The following DBN1 variants were observed in gnomAD, a reference collection of about 807,000 sequenced individuals.
DBN1 encodes the protein drebrin 1.
A neutral mutation model predicts 83.5 loss-of-function variants in DBN1; 21 were observed. The ratio of observed to expected loss-of-function variants is 0.25; its 90% confidence interval spans 0.18 to 0.36. DBN1 has a LOEUF of 0.36. Among genes scored for constraint, DBN1 ranks in the 10% least tolerant of loss-of-function variants. The pLI, the probability that DBN1 is intolerant of heterozygous loss-of-function variation, is 1.00. For missense variants in DBN1, 874 were observed against 935.7 expected, an observed-to-expected ratio of 0.93 and a Z score of 0.86; for synonymous variants, 381 against 384.9, an observed-to-expected ratio of 0.99 and a Z score of 0.12.
In DBN1 at chr5:177,467,721, A is replaced by G; in HGVS notation, c.330+22T>C. 7 of 1,552,400 alleles carry G rather than the reference A, an allele frequency of 4.5e-6. No individual in the cohort carries two copies. Among genetic ancestry groups the G allele is most frequent in the Non-Finnish European group, 6.1e-6 (7 of 1,147,814 alleles). On this transcript the variant is annotated intron_variant, in intron 4 of 14. Transcript: ENST00000393565. The surrounding 1 kb of genome is among the most constrained non-coding windows in gnomAD (Gnocchi z 9.1). ...CCTGGTGGCTGTCCCCACCCCCAAG[A>G]GCGCTGGCCCCTGACACGCACCTGG...
At chr5:177,461,481 C>G (rs890213000) in intron 8 of DBN1, among the ~76,000 whole-genome samples, 1 of 152,168 alleles carries the variant, frequency 6.6e-6, no homozygotes, top group African/African-American at 2.4e-5. Context: ...CCCCGTCAAA[C>G]CCTGTCACAC....
intron 1 of DBN1, chr5:177,472,972 G>A (rs867826428): frequency 4.9e-5 from 20 of 404,696 alleles, no homozygotes; most frequent in Middle Eastern, 1.2e-3. Flanking sequence ...TTGTGCTGTG[G>A]CCGGGCCGGG....
intron 8 of DBN1, among the ~76,000 whole-genome samples, chr5:177,465,553 T>C (rs1255947568): frequency 6.6e-6 from 1 of 152,198 alleles, no homozygotes; most frequent in African/African-American, 2.4e-5. Context: ...TTTATGTATT[T>C]TGCCACAGTT....
Position 177,458,216 on chromosome 5 carries a change from G to C in DBN1, c.1756C>G (p.Pro586Ala). Residue 586 changes from proline (P) to alanine (A), a missense_variant, in exon 13 of 15, where the codon CCA (proline) becomes GCA (alanine). By Grantham distance (27) the Pro-to-Ala change is conservative. Transcript: ENST00000393565. ...LLNFDELPEPPATFCDPEEVE... is the reference protein window; with the variant it reads ...LLNFDELPEPAATFCDPEEVE... ...TCCTCTGGGTCACAGAAGGTGGCTG[G>C]CGGCTCAGGCAGCTCATCAAAGTTG... 1 of 1,613,250 alleles carries C rather than the reference G, an allele frequency of 6.2e-7. No individual in the cohort carries two copies. The highest frequency in any genetic ancestry group is 8.5e-7 in the Non-Finnish European group (1 of 1,179,964).
At chr5:177,464,319 G>A (rs1164931484) in intron 8 of DBN1, among the ~76,000 whole-genome samples, 3 of 142,252 alleles carry the variant, frequency 2.1e-5, no homozygotes, top group Non-Finnish European at 4.6e-5. Flanking sequence ...GGTGGTGCAC[G>A]CCTGTAATCC....
At chr5:177,468,691 G>T in intron 2 of DBN1, 153 bp downstream of exon 2, 1 of 475,184 alleles carries the variant, frequency 2.1e-6, no homozygotes. Flanking sequence ...TGGGGACACA[G>T]GGATGACTGG....
chr5:177,460,602 T>A (rs754980482), intron 9 of DBN1, 42 bp downstream of exon 9: 1 of 1,614,144 alleles, frequency 6.2e-7, no homozygotes, highest in Non-Finnish European at 8.5e-7. Context: ...CAAGCTGAGA[T>A]AGCCCTGTCT....
At position 177,460,693 on chromosome 5, in the gene DBN1, C is replaced by A; in HGVS notation, c.782G>T (p.Arg261Leu). The A allele has an allele frequency of 6.2e-7, 1 of 1,613,922 alleles. No individual in the cohort carries two copies. Among genetic ancestry groups the A allele is most frequent in the Non-Finnish European group, 8.5e-7 (1 of 1,179,952 alleles). The change falls in exon 9 of 15, where the codon CGG (arginine) becomes CTG (leucine). Residue 261 changes from arginine to leucine, a missense_variant. By Grantham distance (102) the Arg-to-Leu change is moderately radical (BLOSUM62 -2). Transcript: ENST00000393565. Reference sequence around the variant, plus strand: ...CATGTGGGTCTCTTCCTCCTCATCCCGATGGTCACCCTAGAAACCAAAGGG... The same window carrying A: ...CATGTGGGTCTCTTCCTCCTCATCCAGATGGTCACCCTAGAAACCAAAGGG... ...LKEQSIFGDH[R>L]DEEEETHMKK...
intron 8 of DBN1, among the ~76,000 whole-genome samples, chr5:177,464,425 G>A (rs1053695976): frequency 3.3e-5 from 5 of 150,910 alleles, no homozygotes; most frequent in African/African-American, 4.9e-5. Context: ...CAGCCTGGGC[G>A]ACAGAGCAAG....
chr5:177,473,553 C>G lies in DBN1; in HGVS notation c.-32G>C, dbSNP rs377628829. 23 of 1,298,788 alleles carry G rather than the reference C, an allele frequency of 1.8e-5. No individual in the cohort carries two copies. Among genetic ancestry groups the G allele is most frequent in the Non-Finnish European group, 2.3e-5 (23 of 1,007,812 alleles). 80.5% of individuals were successfully genotyped at this position (1,298,788 alleles called of 1,614,324 possible). Reference sequence around the variant, plus strand: ...GGCCGGACCGGGCCGAACGGACAGACGCGCGGACGGACGGGCGGACGGAGG... The same window carrying G: ...GGCCGGACCGGGCCGAACGGACAGAGGCGCGGACGGACGGGCGGACGGAGG... On this transcript the variant is annotated 5_prime_UTR_variant, in exon 1 of 15. Transcript: ENST00000393565.
rs1757477497 is a variant in DBN1 at position 177,466,874 on chromosome 5, C to CG, written c.707+36dup. 1.2e-6 allele frequency: 2 copies of CG among 1,613,816 alleles called. No individual in the cohort carries two copies. Among genetic ancestry groups the CG allele is most frequent in the Non-Finnish European group, 8.5e-7 (1 of 1,179,868 alleles). On this transcript the variant is annotated intron_variant, in intron 7 of 14. Coordinates refer to ENST00000393565, the MANE Select transcript of DBN1 (RefSeq NM_001363541.2). The surrounding 1 kb of genome is among the most constrained non-coding windows in gnomAD (Gnocchi z 4.8). ...CAGCCAGCACCCGTCAGGGTGCGCC[C>CG]GGGGGCCCCTGGAGCGCTCCGGGCG...
intron 8 of DBN1, among the ~76,000 whole-genome samples, chr5:177,463,427 T>C (rs1482703703): frequency 6.6e-6 from 1 of 152,134 alleles, no homozygotes; most frequent in Non-Finnish European, 1.5e-5. Flanking sequence ...ACTAACCACA[T>C]GGGTCAAAGC....
At chr5:177,471,467 T>C (rs1184670923) in intron 1 of DBN1, among the ~76,000 whole-genome samples, 5 of 151,874 alleles carry the variant, frequency 3.3e-5, no homozygotes, top group South Asian at 2.1e-4. Context: ...CCCCTCCCCA[T>C]TGGAGGCAAG....
At chr5:177,471,315 GAT>G (rs1274647601) in intron 1 of DBN1, among the ~76,000 whole-genome samples, 2 of 152,102 alleles carry the variant, frequency 1.3e-5, no homozygotes, top group African/African-American at 4.8e-5. Flanking sequence ...ACTTGTGTAT[GAT>G]CACAGTGAGT....
intron 1 of DBN1, chr5:177,472,399 TAGA>T (rs1171697586): frequency 4.8e-6 from 7 of 1,444,382 alleles, no homozygotes; most frequent in South Asian, 4.4e-5. Context: ...GCACCTTCCC[TAGA>T]AGAAGAGTAT....
At chr5:177,471,420 AG>A in intron 1 of DBN1, among the ~76,000 whole-genome samples, 1 of 152,188 alleles carries the variant, frequency 6.6e-6, no homozygotes, top group South Asian at 2.1e-4. Flanking sequence ...GGTGCACTTC[AG>A]AGGCCCTGCC....
Position 177,456,621 on chromosome 5 carries a change from ATTTC to A in DBN1, c.*808_*811del, listed in dbSNP as rs1054296494. 1 of 121,916 alleles carries A rather than the reference ATTTC, an allele frequency of 8.2e-6. No homozygotes were observed. The highest frequency in any genetic ancestry group is 3.2e-5 in the African/African-American group (1 of 30,996). The allele number at this position is 121,916 out of a possible 1,614,324, so 7.6% of individuals were successfully genotyped here. On this transcript the variant is annotated 3_prime_UTR_variant, in exon 15 of 15. Transcript: ENST00000393565. ...CAGGCGGCAGCCCGAAGGGATCTGG[ATTTC>A]TTTATTAACAGACATGAGCACGACC...
In DBN1 at chr5:177,458,079, G is replaced by C. The variant is rs763126053; in HGVS notation, c.1893C>G (p.Thr631=). The part of the protein sequence containing the change: ...PEPHLLTNGE[T]TQKEGTQASE... ...GCACCTGGGTCCCCTCCTTCTGGGT[G>C]GTCTCGCCATTGGTTAGCAGGTGGG... is the stretch of plus-strand genomic sequence containing the variant. Residue 631 remains threonine (T), a synonymous_variant, in exon 13 of 15, where the codon ACC becomes ACG. Transcript: ENST00000393565. The C allele has an allele frequency of 2.5e-6, 4 of 1,613,824 alleles. No homozygotes were observed. In the Admixed American group the frequency reaches 6.7e-5, roughly 27 times the overall value.
chr5:177,469,744 G>A (rs1757712365), intron 1 of DBN1, among the ~76,000 whole-genome samples: 1 of 152,224 alleles, frequency 6.6e-6, no homozygotes, highest in Non-Finnish European at 1.5e-5. Flanking sequence ...CCATTGCACA[G>A]AAGGGAAGGC....
Sources: gnomAD v4.1 joint callset for allele counts (sites outside exome capture counted in the v4.1 genomes callset) on GRCh38, gnomAD v4.1.1 for gene constraint, Gnocchi (gnomAD v3.1) non-coding constraint, MANE v1.5 for transcripts, NCBI Gene and HGNC (gene_info 2026-07-23, HGNC 2026-07-21) for gene names.